CTNNA3: variants seen among roughly 807,000 people sequenced by gnomAD.
CTNNA3 encodes catenin alpha-3.
Under a neutral mutation model 95.7 loss-of-function variants are expected in CTNNA3, and 76 were observed. The observed-to-expected ratio is 0.79, with a 90% CI of 0.66 to 0.96. The LOEUF (loss-of-function observed/expected upper bound fraction) is 0.96. Ranked by LOEUF, CTNNA3 falls within the 40% of genes least tolerant of loss-of-function variation. The probability of loss-of-function intolerance (pLI) is 0.00; values close to 1 mark genes in which losing one functional copy is unlikely to be tolerated. For synonymous variants in CTNNA3, 431 were observed against 374.4 expected (o/e 1.15, Z -1.74); for missense variants, 1,191 against 1,089.8 (o/e 1.09, Z -1.31).
At chr10:66,152,741 C>T (rs2084270011) in intron 13 of CTNNA3, among the ~76,000 whole-genome samples, 1 of 151,866 alleles carries the variant, frequency 6.6e-6, no homozygotes, top group Non-Finnish European at 1.5e-5. Context: ...TCTGGCAATG[C>T]TGTACACTAC....
intron 9 of CTNNA3, among the ~76,000 whole-genome samples, chr10:66,737,706 C>T (rs1180944078): frequency 1.3e-5 from 2 of 151,318 alleles, no homozygotes; most frequent in Non-Finnish European, 2.9e-5. Flanking sequence ...TGTCACCAGG[C>T]TCGAGTGCAC....
At chr10:66,613,645 A>C (rs10997260) in intron 10 of CTNNA3, among the ~76,000 whole-genome samples, 2 of 151,880 alleles carry the variant, frequency 1.3e-5, no homozygotes, top group Admixed American at 1.3e-4. Context: ...AGTCTTGAGG[A>C]TACACCACTC....
chr10:65,957,544 T>C (rs554244237), intron 17 of CTNNA3, among the ~76,000 whole-genome samples: 9 of 152,316 alleles, frequency 5.9e-5, no homozygotes, highest in Admixed American at 1.3e-4. Context: ...TTCCTTTCCA[T>C]GTTTAGTGCT....
intron 5 of CTNNA3, among the ~76,000 whole-genome samples, chr10:67,227,122 G>A (rs186771411): frequency 0.031 from 4,260 of 135,730 alleles, 75 homozygotes; most frequent in South Asian, 0.096. Flanking sequence ...ATGGAGTTTT[G>A]CTCTTGTTGC....
intron 1 of CTNNA3, among the ~76,000 whole-genome samples, chr10:67,726,457 T>A (rs1841222358): frequency 1.3e-5 from 1 of 74,442 alleles, no homozygotes; most frequent in Non-Finnish European, 2.2e-5. Context: ...ATATTATATA[T>A]GATATATGAT....
At chr10:67,342,336 T>C (rs1683021365) in intron 5 of CTNNA3, among the ~76,000 whole-genome samples, 1 of 152,062 alleles carries the variant, frequency 6.6e-6, no homozygotes, top group Non-Finnish European at 1.5e-5. Context: ...TCTCCTGACC[T>C]TGTGATCCAC....
chr10:66,993,927 T>C (rs920811920), intron 7 of CTNNA3, among the ~76,000 whole-genome samples: 1 of 152,216 alleles, frequency 6.6e-6, no homozygotes, highest in Non-Finnish European at 1.5e-5. Flanking sequence ...GACTAAGCTC[T>C]TTGGGCAAAT....
intron 7 of CTNNA3, among the ~76,000 whole-genome samples, chr10:67,146,476 T>C (rs1860847398): frequency 6.6e-6 from 1 of 152,196 alleles, no homozygotes; most frequent in Non-Finnish European, 1.5e-5. Flanking sequence ...ACAACACTGT[T>C]CATGCATATT....
At chr10:66,804,621 T>C (rs1369675367) in intron 7 of CTNNA3, among the ~76,000 whole-genome samples, 2 of 152,106 alleles carry the variant, frequency 1.3e-5, no homozygotes, top group East Asian at 3.9e-4. Context: ...GGCACTATTT[T>C]TTCTAAAGGG....
chr10:67,522,489 A>G (rs1446013761), intron 4 of CTNNA3, among the ~76,000 whole-genome samples: 1 of 152,112 alleles, frequency 6.6e-6, no homozygotes, highest in Non-Finnish European at 1.5e-5. Flanking sequence ...GATCTCTCAG[A>G]GCTTGTATTT....
chr10:67,395,250 A>C (rs1339831785), intron 5 of CTNNA3, among the ~76,000 whole-genome samples: 3 of 152,214 alleles, frequency 2.0e-5, no homozygotes, highest in Non-Finnish European at 2.9e-5. Context: ...CTTGACCAGC[A>C]GATGGGACAT....
chr10:66,055,563 T>C (rs1430670271), intron 15 of CTNNA3, among the ~76,000 whole-genome samples: 1 of 152,206 alleles, frequency 6.6e-6, no homozygotes, highest in Admixed American at 6.5e-5. Flanking sequence ...TACATTAATT[T>C]TGTAGCCTGA....
intron 7 of CTNNA3, among the ~76,000 whole-genome samples, chr10:67,004,369 TGAG>T (rs1471855688): frequency 6.6e-6 from 1 of 152,226 alleles, no homozygotes; most frequent in East Asian, 1.9e-4. Flanking sequence ...ATGGTAATGA[TGAG>T]GATGAGAAAA....
At chr10:67,228,438 C>T (rs556356143) in intron 5 of CTNNA3, among the ~76,000 whole-genome samples, 31 of 152,112 alleles carry the variant, frequency 2.0e-4, no homozygotes, top group African/African-American at 7.2e-4. Flanking sequence ...CATGGTAAAA[C>T]CCCATCTCTA....
intron 11 of CTNNA3, among the ~76,000 whole-genome samples, chr10:66,435,713 C>T (rs4320844): frequency 0.38 from 58,110 of 151,732 alleles, 11,675 homozygotes; most frequent in African/African-American, 0.5. Flanking sequence ...TTTCTTGTCT[C>T]CTGTTAGCTT....
intron 9 of CTNNA3, among the ~76,000 whole-genome samples, chr10:66,709,676 A>T (rs1050942588): frequency 6.6e-6 from 1 of 152,118 alleles, no homozygotes; most frequent in African/African-American, 2.4e-5. Flanking sequence ...GTTTATTACA[A>T]ACAAGAATTG....
intron 4 of CTNNA3, among the ~76,000 whole-genome samples, chr10:67,528,626 A>G (rs913085531): frequency 6.6e-6 from 1 of 152,182 alleles, no homozygotes; most frequent in Admixed American, 6.5e-5. Flanking sequence ...TCCAACCTCC[A>G]TAACACTTTG....
chr10:67,185,303 T>C (rs1197485230), intron 6 of CTNNA3, among the ~76,000 whole-genome samples: 2 of 151,954 alleles, frequency 1.3e-5, no homozygotes, highest in African/African-American at 4.8e-5. Flanking sequence ...AATTTTTATA[T>C]TTTTAGTAGA....
chr10:66,090,897 T>C (rs1201862023), intron 14 of CTNNA3, among the ~76,000 whole-genome samples: 1 of 151,972 alleles, frequency 6.6e-6, no homozygotes, highest in African/African-American at 2.4e-5. Flanking sequence ...ACTCACTGAT[T>C]AAAAATATGA....
Sources: allele counts gnomAD v4.1 joint callset (sites outside exome capture counted in the v4.1 genomes callset), GRCh38; gene constraint gnomAD v4.1.1; transcripts MANE v1.5; gene names NCBI Gene and HGNC (gene_info 2026-07-23, HGNC 2026-07-21).